The following KIZ variants were observed in gnomAD, a reference collection of about 807,000 sequenced individuals.
KIZ encodes the protein kizuna centrosomal protein, also known as centrosomal protein kizuna.
KIZ carries 68 observed loss-of-function variants against 79.6 expected under a neutral mutation model. The ratio of observed to expected loss-of-function variants is 0.85; its 90% CI spans 0.70 to 1.05. KIZ has a LOEUF of 1.05. Ranked by LOEUF, KIZ falls within the 50% of genes least tolerant of loss-of-function variation. The probability of loss-of-function intolerance (pLI) is 0.00; values close to 1 mark genes in which losing one functional copy is unlikely to be tolerated. For synonymous variants in KIZ, 280 were observed against 281.8 expected (o/e 0.99, Z 0.06); for missense variants, 797 against 800.4 (o/e 1.00, Z 0.05).
intron 6 of KIZ, among the ~76,000 whole-genome samples, chr20:21,179,502 A>G (rs1045193979): frequency 9.3e-5 from 14 of 150,686 alleles, no homozygotes; most frequent in Non-Finnish European, 1.2e-4. Context: ...CGGTTTGTCA[A>G]TTTTGTTTAT....
chr20:21,171,380 G>T (rs1437552630), intron 6 of KIZ, among the ~76,000 whole-genome samples: 1 of 152,136 alleles, frequency 6.6e-6, no homozygotes, highest in Non-Finnish European at 1.5e-5. Context: ...CCAATCTATG[G>T]TTTGTCTTTT....
At chr20:21,168,856 G>A (rs2034074576) in intron 6 of KIZ, among the ~76,000 whole-genome samples, 1 of 152,170 alleles carries the variant, frequency 6.6e-6, no homozygotes, top group South Asian at 2.1e-4. Context: ...TTAATAAATG[G>A]TGCTGGGAAA....
At chr20:21,238,311 G>A (rs6047320) in intron 11 of KIZ, among the ~76,000 whole-genome samples, 90,339 of 150,726 alleles carry the variant, frequency 0.6, 28,179 homozygotes, top group South Asian at 0.78. Flanking sequence ...CATGCATTTC[G>A]TACAGTTATC....
chr20:21,206,539 T>C (rs1309517117), intron 7 of KIZ, among the ~76,000 whole-genome samples: 1 of 152,160 alleles, frequency 6.6e-6, no homozygotes, highest in Non-Finnish European at 1.5e-5. Flanking sequence ...ACCCAACACA[T>C]GTTCAGGCAA....
At chr20:21,223,739 G>A (rs527593517) in intron 9 of KIZ, among the ~76,000 whole-genome samples, 33 of 145,994 alleles carry the variant, frequency 2.3e-4, no homozygotes, top group African/African-American at 7.4e-4. Flanking sequence ...ATGTGATCTC[G>A]GCTAACTGCA....
chr20:21,188,652 C>T (rs2034984056), intron 6 of KIZ, among the ~76,000 whole-genome samples: 2 of 149,244 alleles, frequency 1.3e-5, no homozygotes, highest in Admixed American at 1.3e-4. Flanking sequence ...CATAATAAGC[C>T]CTGGAGATCT....
At chr20:21,226,891 A>G (rs2036673022) in intron 9 of KIZ, among the ~76,000 whole-genome samples, 1 of 152,120 alleles carries the variant, frequency 6.6e-6, no homozygotes, top group South Asian at 2.1e-4. Context: ...ATGAAACACC[A>G]GTGAGGTGAT....
intron 12 of KIZ, chr20:21,246,224 G>A (rs2037381755): frequency 2.1e-6 from 1 of 473,080 alleles, no homozygotes; most frequent in South Asian, 3.0e-5. Flanking sequence ...ATAAAGAGTT[G>A]GGCACAACAG....
intron 4 of KIZ, among the ~76,000 whole-genome samples, chr20:21,160,271 T>C (rs368056638): frequency 2.8e-4 from 42 of 152,214 alleles, no homozygotes; most frequent in African/African-American, 8.7e-4. Context: ...GCATCCCCCA[T>C]GGACCATATG....
At chr20:21,176,528 G>A (rs2034440728) in intron 6 of KIZ, among the ~76,000 whole-genome samples, 1 of 149,426 alleles carries the variant, frequency 6.7e-6, no homozygotes, top group Non-Finnish European at 1.5e-5. Flanking sequence ...AGTACATCAT[G>A]CCTGGCTTTC....
intron 3 of KIZ, among the ~76,000 whole-genome samples, chr20:21,138,092 C>T (rs2032302980): frequency 1.3e-5 from 2 of 152,056 alleles, no homozygotes; most frequent in South Asian, 2.1e-4. Context: ...ATTTTCAGCT[C>T]GTATTCAGAT....
rs78616527 is a variant in KIZ at position 21,131,949 on chromosome 20, T to C, written c.90-148T>C. The C allele has an allele frequency of 5.4e-3, 2,960 of 543,958 alleles. 39 individuals are homozygous for C. The highest frequency in any genetic ancestry group is 0.04 in the African/African-American group (1,978 of 50,074). The allele number at this position is 543,958 out of a possible 1,614,324, so 33.7% of individuals were successfully genotyped here. A position where few individuals can be genotyped will look rare whatever the true frequency, so the allele number is the denominator to read the frequency against. On this transcript the variant is annotated intron_variant, in intron 1 of 12. Coordinates refer to ENST00000619189, the MANE Select transcript of KIZ (RefSeq NM_018474.6). The stretch of plus-strand genomic sequence containing the variant: ...CTGCTTCTTAGACCAGAGAAGCATT[T>C]TCACAAAGGTGTGATTTGGTATTTG...
chr20:21,231,819 G>A (rs1020735607), intron 10 of KIZ, among the ~76,000 whole-genome samples: 4 of 152,152 alleles, frequency 2.6e-5, no homozygotes, highest in African/African-American at 9.7e-5. Flanking sequence ...AAGAAGCAGT[G>A]CATGTTTCAC....
intron 3 of KIZ, among the ~76,000 whole-genome samples, chr20:21,140,739 G>A (rs575271398): frequency 1.5e-3 from 227 of 152,244 alleles, no homozygotes; most frequent in Non-Finnish European, 1.9e-3. Context: ...AGTGCTTTAG[G>A]AGGCTGAGGT....
intron 3 of KIZ, among the ~76,000 whole-genome samples, chr20:21,142,225 C>G (rs2032592122): frequency 6.6e-6 from 1 of 152,052 alleles, no homozygotes; most frequent in Non-Finnish European, 1.5e-5. Flanking sequence ...GGCCTTTTTC[C>G]CCCTGCCCTG....
At chr20:21,157,569 A>C (rs561098999) in intron 4 of KIZ, among the ~76,000 whole-genome samples, 1 of 152,208 alleles carries the variant, frequency 6.6e-6, no homozygotes, top group Non-Finnish European at 1.5e-5. Context: ...CTATAAGTAC[A>C]TCATGGTTCC....
chr20:21,150,177 C>T (rs1412409561), intron 4 of KIZ, among the ~76,000 whole-genome samples: 2 of 152,226 alleles, frequency 1.3e-5, no homozygotes, highest in African/African-American at 4.8e-5. Context: ...TGGTGCTGCA[C>T]AGCAGCTGAG....
At chr20:21,189,839 G>C (rs2035038835) in intron 6 of KIZ, among the ~76,000 whole-genome samples, 2 of 152,176 alleles carry the variant, frequency 1.3e-5, no homozygotes, top group African/African-American at 4.8e-5. Context: ...TCGCCTCGCT[G>C]TGCTGGCCTT....
At chr20:21,194,649 C>G (rs1257253232) in intron 6 of KIZ, 1 of 152,028 alleles carries the variant, frequency 6.6e-6, no homozygotes, top group Non-Finnish European at 1.5e-5. Context: ...GATTGATCAC[C>G]CAGTACCAAG....
Sources: allele counts gnomAD v4.1 joint callset (sites outside exome capture counted in the v4.1 genomes callset), GRCh38; gene constraint gnomAD v4.1.1; transcripts MANE v1.5; gene names NCBI Gene and HGNC (gene_info 2026-07-23, HGNC 2026-07-21).